The following ACTR3C variants were observed in gnomAD, a reference collection of about 807,000 sequenced individuals.
ACTR3C encodes actin related protein 3C.
A neutral mutation model predicts 26.3 loss-of-function variants in ACTR3C; 18 were observed. The observed-to-expected ratio is 0.68, with a 90% CI of 0.47 to 1.01. ACTR3C has a LOEUF of 1.01. Ranked by LOEUF, ACTR3C falls within the 50% of genes least tolerant of loss-of-function variation. The probability of loss-of-function intolerance (pLI) is 0.00; values close to 1 mark genes in which losing one functional copy is unlikely to be tolerated. For synonymous variants in ACTR3C, 55 were observed against 94.5 expected (o/e 0.58, Z 2.42); for missense variants, 184 against 250.7 (o/e 0.73, Z 1.80).
At chr7:150,042,906 G>A in the ACTR3C span, among the ~76,000 whole-genome samples, 2 of 150,718 alleles carry the variant, frequency 1.3e-5, no homozygotes, top group African/African-American at 4.9e-5. Context: ...CAGGGCTGGG[G>A]CTGCCAGAAG....
At chr7:150,008,192 C>G in the ACTR3C span, among the ~76,000 whole-genome samples, 68 of 152,234 alleles carry the variant, frequency 4.5e-4, no homozygotes, top group African/African-American at 1.6e-3. Flanking sequence ...TCATGAGTCA[C>G]TCTTCAGAAA....
the ACTR3C span, among the ~76,000 whole-genome samples, chr7:150,165,357 G>A: frequency 2.6e-5 from 4 of 151,802 alleles, no homozygotes; most frequent in African/African-American, 9.7e-5. Flanking sequence ...TAGAAACAGA[G>A]AAATCAGTAT....
At chr7:150,046,337 AT>A in the ACTR3C span, among the ~76,000 whole-genome samples, 1 of 85,192 alleles carries the variant, frequency 1.2e-5, no homozygotes, top group Non-Finnish European at 2.3e-5. Flanking sequence ...AAATCACTCA[AT>A]GTCTCACCGC....
At chr7:150,291,104 G>A (rs1321052334) in intron 3 of ACTR3C, among the ~76,000 whole-genome samples, 2 of 151,890 alleles carry the variant, frequency 1.3e-5, no homozygotes, top group Non-Finnish European at 2.9e-5. Context: ...GTGTGTGTGT[G>A]TGTGCATGCA....
At chr7:150,294,286 G>A (rs1260088370) in intron 2 of ACTR3C, among the ~76,000 whole-genome samples, 1 of 152,220 alleles carries the variant, frequency 6.6e-6, no homozygotes, top group African/African-American at 2.4e-5. Flanking sequence ...ATGCCGCTAC[G>A]CTCCCCGCAA....
At chr7:149,883,469 C>T in the ACTR3C span, among the ~76,000 whole-genome samples, 1 of 152,160 alleles carries the variant, frequency 6.6e-6, no homozygotes, top group Non-Finnish European at 1.5e-5. Context: ...CTGAACCATA[C>T]CAAGTGGCAG....
At chr7:150,036,865 G>C in the ACTR3C span, among the ~76,000 whole-genome samples, 5 of 87,194 alleles carry the variant, frequency 5.7e-5, no homozygotes, top group East Asian at 8.5e-4. Context: ...CCTAAGCCAG[G>C]GGGGGATGAG....
At chr7:150,169,747 T>C in the ACTR3C span, among the ~76,000 whole-genome samples, 1 of 150,864 alleles carries the variant, frequency 6.6e-6, no homozygotes, top group African/African-American at 2.5e-5. Context: ...TTGACTTCCT[T>C]CTATAGTAAA....
chr7:150,123,351 A>C, the ACTR3C span, among the ~76,000 whole-genome samples: 3 of 152,278 alleles, frequency 2.0e-5, no homozygotes, highest in South Asian at 4.2e-4. Flanking sequence ...ATGCACGTAA[A>C]GCTGTTATAA....
the ACTR3C span, among the ~76,000 whole-genome samples, chr7:149,932,399 CT>C: frequency 6.6e-6 from 1 of 152,060 alleles, no homozygotes; most frequent in Admixed American, 6.5e-5. Flanking sequence ...TAAAATTAGA[CT>C]GGGGTGATGG....
chr7:150,318,411 C>A (rs1042630978), intron 1 of ACTR3C, among the ~76,000 whole-genome samples: 2 of 152,122 alleles, frequency 1.3e-5, no homozygotes, highest in African/African-American at 4.8e-5. Flanking sequence ...TTTAGGCTAC[C>A]CTGTTTGTGG....
the ACTR3C span, among the ~76,000 whole-genome samples, chr7:150,015,161 G>A: frequency 3.9e-5 from 6 of 152,118 alleles, no homozygotes; most frequent in African/African-American, 7.2e-5. Flanking sequence ...AATGCTATGT[G>A]ACTCTCTAGG....
the ACTR3C span, among the ~76,000 whole-genome samples, chr7:150,042,335 C>T: frequency 9.0e-6 from 1 of 111,280 alleles, no homozygotes; most frequent in Non-Finnish European, 1.9e-5. Flanking sequence ...CAGTCCCTGC[C>T]TCGCGGGGGG....
At chr7:149,937,415 A>G in the ACTR3C span, among the ~76,000 whole-genome samples, 1 of 151,502 alleles carries the variant, frequency 6.6e-6, no homozygotes, top group Admixed American at 6.6e-5. Context: ...ATAAAAGCAG[A>G]CAAGATGAAA....
chr7:149,992,915 T>C, the ACTR3C span, among the ~76,000 whole-genome samples: 1 of 152,144 alleles, frequency 6.6e-6, no homozygotes, highest in Non-Finnish European at 1.5e-5. Flanking sequence ...GCCTTCAGAC[T>C]GTGGCCAAAG....
the ACTR3C span, among the ~76,000 whole-genome samples, chr7:150,151,382 A>C: frequency 7.2e-6 from 1 of 137,950 alleles, no homozygotes; most frequent in East Asian, 2.6e-4. Context: ...AATTTATATT[A>C]ATTTATTTCT....
the ACTR3C span, among the ~76,000 whole-genome samples, chr7:150,194,393 T>C: frequency 1.3e-5 from 2 of 149,036 alleles, no homozygotes; most frequent in Non-Finnish European, 3.0e-5. Flanking sequence ...ATGATATTAA[T>C]ATAACTACTC....
the ACTR3C span, among the ~76,000 whole-genome samples, chr7:150,005,406 T>C: frequency 6.6e-6 from 1 of 152,208 alleles, no homozygotes; most frequent in Non-Finnish European, 1.5e-5. Flanking sequence ...ACGTCCTAGA[T>C]GAAACTGATG....
At chr7:150,251,893 G>A (rs957422579) in intron 6 of ACTR3C, among the ~76,000 whole-genome samples, 20 of 152,026 alleles carry the variant, frequency 1.3e-4, no homozygotes, top group Non-Finnish European at 2.8e-4. Context: ...TTTAAAAATA[G>A]AAATAAATAT....
Sources: allele counts gnomAD v4.1 joint callset (sites outside exome capture counted in the v4.1 genomes callset), GRCh38; gene constraint gnomAD v4.1.1; transcripts MANE v1.5; gene names NCBI Gene and HGNC (gene_info 2026-07-23, HGNC 2026-07-21).